PLEKHM3: variants seen among roughly 807,000 people sequenced by gnomAD.
PLEKHM3 encodes pleckstrin homology domain-containing family M member 3.
In PLEKHM3, 45 loss-of-function variants were observed where a neutral mutation model predicts 81.8. The ratio of observed to expected loss-of-function variants is 0.55; its 90% CI spans 0.43 to 0.71. PLEKHM3 has a LOEUF of 0.71. Ranked by LOEUF, PLEKHM3 falls within the 30% of genes least tolerant of loss-of-function variation. The pLI is 0.00. For missense variants in PLEKHM3, 788 were observed against 924.3 expected, an observed-to-expected ratio of 0.85 and a Z score of 1.91; for synonymous variants, 352 against 356.4, an observed-to-expected ratio of 0.99 and a Z score of 0.14.
At position 207,823,444 on chromosome 2, in the gene PLEKHM3, G is replaced by C. The variant is rs908858214; in HGVS notation, c.*4875C>G. 6.6e-5 allele frequency: 10 copies of C among 152,046 alleles called. No homozygotes were observed. Among genetic ancestry groups the C allele is most frequent in the African/African-American group, 2.4e-4 (10 of 41,374 alleles). The allele number at this position is 152,046 out of a possible 1,614,324, so 9.4% of individuals were successfully genotyped here. ...AGTCTCCCAAGTAGCTGGGATTATA[G>C]GCATCCACCAAAACACTCAGCTAAT... On this transcript the variant is annotated 3_prime_UTR_variant, in exon 8 of 8. Coordinates refer to ENST00000427836, the MANE Select transcript of PLEKHM3 (RefSeq NM_001080475.3).
At chr2:207,994,539 C>A (rs146380809) in intron 2 of PLEKHM3, among the ~76,000 whole-genome samples, 141 of 151,738 alleles carry the variant, frequency 9.3e-4, no homozygotes, top group Middle Eastern at 3.4e-3. Context: ...AAGAAATCAG[C>A]CATTCTGGTA....
At chr2:207,850,280 AT>A (rs1307147711) in intron 7 of PLEKHM3, among the ~76,000 whole-genome samples, 19 of 152,192 alleles carry the variant, frequency 1.2e-4, no homozygotes, top group African/African-American at 3.4e-4. Context: ...ACCATAGCAA[AT>A]GCCTACCAGA....
intron 1 of PLEKHM3, among the ~76,000 whole-genome samples, chr2:208,020,257 T>C (rs1277908652): frequency 1.3e-5 from 2 of 152,248 alleles, no homozygotes; most frequent in Non-Finnish European, 2.9e-5. Context: ...ATCTCTACCA[T>C]GGTCATAAAT....
intron 6 of PLEKHM3, among the ~76,000 whole-genome samples, chr2:207,864,232 A>G (rs900348203): frequency 1.3e-5 from 2 of 152,216 alleles, no homozygotes; most frequent in African/African-American, 4.8e-5. Context: ...TTAGGAAGCC[A>G]TAGATAGACC....
chr2:207,861,347 C>T, intron 6 of PLEKHM3, 85 bp from the exon 7 acceptor site: 4 of 1,355,346 alleles, frequency 3.0e-6, no homozygotes, highest in Non-Finnish European at 3.0e-6. Context: ...AATTCCTTTC[C>T]TTTACACAAC....
At position 207,994,342 on chromosome 2, in the gene PLEKHM3, A is replaced by G. The variant is rs560951272; in HGVS notation, c.610+6688T>C. Among the ~76,000 whole-genome samples, 8 of 152,278 alleles carry G rather than the reference A, an allele frequency of 5.3e-5. No homozygotes were observed. In the South Asian group the frequency reaches 1.0e-3, roughly 20 times the overall value. ...GTTAAGACCTTGTCTTCTTTATCCT[A>G]CGGCAAAGTCCTTGGTGCTTATGAT... On this transcript the variant is annotated intron_variant, in intron 2 of 7. Transcript: ENST00000427836.
At chr2:208,011,027 T>C (rs184514366) in intron 1 of PLEKHM3, among the ~76,000 whole-genome samples, 562 of 144,524 alleles carry the variant, frequency 3.9e-3, no homozygotes, top group African/African-American at 0.014. Flanking sequence ...AAAACCACAA[T>C]GTGATACCAC....
intron 1 of PLEKHM3, among the ~76,000 whole-genome samples, chr2:208,007,303 T>C (rs1692526105): frequency 6.6e-6 from 1 of 152,188 alleles, no homozygotes; most frequent in Non-Finnish European, 1.5e-5. Context: ...CGACTGAGAA[T>C]TTTCTAAGAG....
At chr2:207,936,678 A>G (rs148265300) in intron 4 of PLEKHM3, among the ~76,000 whole-genome samples, 2 of 152,272 alleles carry the variant, frequency 1.3e-5, no homozygotes, top group East Asian at 3.9e-4. Context: ...AAACTCACAA[A>G]TTGTACATGC....
intron 3 of PLEKHM3, among the ~76,000 whole-genome samples, chr2:207,971,766 A>G (rs1559263225): frequency 6.6e-6 from 1 of 152,202 alleles, no homozygotes; most frequent in African/African-American, 2.4e-5. Flanking sequence ...TTCACCGAAG[A>G]AGCATGCCTC....
chr2:207,892,595 G>C (rs373276234), intron 6 of PLEKHM3, among the ~76,000 whole-genome samples: 1 of 152,154 alleles, frequency 6.6e-6, no homozygotes, highest in Admixed American at 6.5e-5. Context: ...AGATTCAGAA[G>C]CTAAATCCAA....
At chr2:207,882,477 T>A (rs1336201521) in intron 6 of PLEKHM3, among the ~76,000 whole-genome samples, 1 of 151,988 alleles carries the variant, frequency 6.6e-6, no homozygotes, top group Non-Finnish European at 1.5e-5. Flanking sequence ...CCGGGCATGG[T>A]CATGGGTGCC....
intron 5 of PLEKHM3, among the ~76,000 whole-genome samples, chr2:207,920,639 A>G (rs1278907332): frequency 1.3e-5 from 2 of 150,750 alleles, no homozygotes; most frequent in African/African-American, 4.9e-5. Flanking sequence ...TTTGATTTCT[A>G]AAGCAGTTTG....
intron 5 of PLEKHM3, among the ~76,000 whole-genome samples, chr2:207,929,452 T>TA (rs1206586086): frequency 3.3e-5 from 5 of 152,210 alleles, no homozygotes; most frequent in African/African-American, 1.2e-4. Flanking sequence ...TGTCTAGAAA[T>TA]ACAGGCACAA....
chr2:207,981,860 T>C (rs1211995603), intron 2 of PLEKHM3, among the ~76,000 whole-genome samples: 1 of 152,218 alleles, frequency 6.6e-6, no homozygotes, highest in African/African-American at 2.4e-5. Flanking sequence ...TAATATCATA[T>C]AATAATGAAG....
intron 1 of PLEKHM3, among the ~76,000 whole-genome samples, chr2:208,011,167 G>C (rs1307243940): frequency 6.6e-6 from 1 of 151,996 alleles, no homozygotes; most frequent in African/African-American, 2.4e-5. Flanking sequence ...AGCCACCATG[G>C]AAAATAGTGT....
At chr2:207,987,128 T>C (rs1387634131) in intron 2 of PLEKHM3, among the ~76,000 whole-genome samples, 1 of 152,236 alleles carries the variant, frequency 6.6e-6, no homozygotes, top group East Asian at 1.9e-4. Context: ...TTAGGCCCCA[T>C]TTCCAGCTTT....
intron 6 of PLEKHM3, among the ~76,000 whole-genome samples, chr2:207,895,709 GT>G (rs1688202035): frequency 6.6e-6 from 1 of 152,132 alleles, no homozygotes; most frequent in Non-Finnish European, 1.5e-5. Context: ...GGTGCTGCCC[GT>G]TTTAGGAGGA....
intron 3 of PLEKHM3, among the ~76,000 whole-genome samples, chr2:207,951,113 G>A (rs1032009565): frequency 4.6e-5 from 7 of 152,272 alleles, no homozygotes; most frequent in South Asian, 2.1e-4. Context: ...GACTAAAAAT[G>A]TCTGAAACAA....
Sources: gnomAD v4.1 joint callset for allele counts (sites outside exome capture counted in the v4.1 genomes callset) on GRCh38, gnomAD v4.1.1 for gene constraint, MANE v1.5 for transcripts, NCBI Gene and HGNC (gene_info 2026-07-23, HGNC 2026-07-21) for gene names.